SLC24A2: variants seen among roughly 807,000 people sequenced by gnomAD.
SLC24A2 encodes the protein sodium/potassium/calcium exchanger 2.
SLC24A2 carries 36 observed loss-of-function variants against 62.0 expected under a neutral mutation model. The ratio of observed to expected loss-of-function variants is 0.58; its 90% CI spans 0.44 to 0.77. The LOEUF is 0.77. SLC24A2 is among the 30% of genes least tolerant of loss of function. The probability of loss-of-function intolerance (pLI) is 0.00; values close to 1 mark genes in which losing one functional copy is unlikely to be tolerated. For synonymous variants in SLC24A2, 358 were observed against 294.0 expected (o/e 1.22, Z -2.23); for missense variants, 846 against 817.9 (o/e 1.03, Z -0.42).
intron 4 of SLC24A2, among the ~76,000 whole-genome samples, 167 bp from the exon 5 acceptor site, chr9:19,597,446 G>C (rs184164958): frequency 6.6e-6 from 1 of 152,112 alleles, no homozygotes; most frequent in African/African-American, 2.4e-5. Context: ...CAGCTTTCAC[G>C]GCCCATTTTC....
At chr9:19,701,952 A>T (rs773623633) in intron 2 of SLC24A2, among the ~76,000 whole-genome samples, 2 of 152,200 alleles carry the variant, frequency 1.3e-5, no homozygotes, top group East Asian at 3.9e-4. Context: ...CCTACCGTGG[A>T]TGGAAAACGA....
At chr9:19,984,743 T>A in the SLC24A2 span, among the ~76,000 whole-genome samples, 1 of 152,080 alleles carries the variant, frequency 6.6e-6, no homozygotes, top group Non-Finnish European at 1.5e-5. Flanking sequence ...TTATAGCCAA[T>A]TGATTTTTTG....
At chr9:20,062,267 C>T in the SLC24A2 span, among the ~76,000 whole-genome samples, 1 of 152,010 alleles carries the variant, frequency 6.6e-6, no homozygotes, top group Non-Finnish European at 1.5e-5. Flanking sequence ...GTAACCAAAA[C>T]AGCATGGTAA....
intron 2 of SLC24A2, among the ~76,000 whole-genome samples, chr9:19,763,826 T>C (rs996127031): frequency 6.6e-6 from 1 of 152,236 alleles, no homozygotes; most frequent in South Asian, 2.1e-4. Context: ...GCTGGCCTCA[T>C]AGAACGAGTT....
chr9:20,016,611 T>G, the SLC24A2 span, among the ~76,000 whole-genome samples: 1 of 152,220 alleles, frequency 6.6e-6, no homozygotes, highest in Non-Finnish European at 1.5e-5. Flanking sequence ...ATTTTACTCT[T>G]CAACTAAAGC....
At chr9:19,824,772 A>G in the SLC24A2 span, among the ~76,000 whole-genome samples, 1 of 152,224 alleles carries the variant, frequency 6.6e-6, no homozygotes, top group African/African-American at 2.4e-5. Context: ...AATCAACCCA[A>G]ATGCCCATCA....
rs1361877924 is a variant in SLC24A2 at position 19,653,876 on chromosome 9, T to C, written c.931-31577A>G. Among the ~76,000 whole-genome samples the C allele has an allele frequency of 2.6e-5, 4 of 152,180 alleles. No homozygotes were observed. In the East Asian group the frequency reaches 7.7e-4, roughly 29 times the overall value. ...TTGCAGCCTCAGAGCCAAGGTGTTTTGTGAGTGATTCTACATCTATGCCAA... is the reference window on the plus strand; with the variant it reads ...TTGCAGCCTCAGAGCCAAGGTGTTTCGTGAGTGATTCTACATCTATGCCAA... On this transcript the variant is annotated intron_variant, in intron 2 of 10. Coordinates refer to ENST00000341998, the MANE Select transcript of SLC24A2 (RefSeq NM_020344.4).
the SLC24A2 span, among the ~76,000 whole-genome samples, chr9:20,296,736 C>G: frequency 6.6e-6 from 1 of 152,194 alleles, no homozygotes; most frequent in South Asian, 2.1e-4. Flanking sequence ...CAGATGACCA[C>G]AGTTATAAAG....
chr9:19,573,527 C>CAGAGAG (rs1835911321), intron 6 of SLC24A2, 58 bp from the exon 7 acceptor site: 2 of 362,784 alleles, frequency 5.5e-6, no homozygotes, highest in African/African-American at 4.8e-5. Context: ...CACACACACA[C>CAGAGAG]ACAGAGAGAG....
chr9:19,613,329 G>A (rs1003743725), intron 4 of SLC24A2, among the ~76,000 whole-genome samples: 1 of 152,216 alleles, frequency 6.6e-6, no homozygotes, highest in Admixed American at 6.5e-5. Flanking sequence ...CAACCTGCCA[G>A]TTCCTGTCTA....
chr9:20,220,402 C>T, the SLC24A2 span, among the ~76,000 whole-genome samples: 18,179 of 152,172 alleles, frequency 0.12, 1,180 homozygotes, highest in Middle Eastern at 0.16. Context: ...ATTGAGCTTT[C>T]CTCTTATTCT....
the SLC24A2 span, among the ~76,000 whole-genome samples, chr9:20,250,948 C>T: frequency 2.6e-5 from 4 of 152,096 alleles, no homozygotes; most frequent in Admixed American, 1.3e-4. Flanking sequence ...CTTCTCACCT[C>T]GATTAATTAG....
chr9:19,616,397 T>A (rs1351872011), intron 4 of SLC24A2, among the ~76,000 whole-genome samples: 1 of 152,158 alleles, frequency 6.6e-6, no homozygotes, highest in Non-Finnish European at 1.5e-5. Context: ...AAAGATTAGG[T>A]GACTTGTCCG....
the SLC24A2 span, among the ~76,000 whole-genome samples, chr9:19,994,729 A>C: frequency 6.6e-6 from 1 of 152,148 alleles, no homozygotes; most frequent in African/African-American, 2.4e-5. Flanking sequence ...ACTTCCCTGA[A>C]GATAGTGTGG....
At chr9:20,303,975 AGTGACCACATAAG>A in the SLC24A2 span, among the ~76,000 whole-genome samples, 1 of 152,212 alleles carries the variant, frequency 6.6e-6, no homozygotes, top group Non-Finnish European at 1.5e-5. Context: ...CCTAAGTGAC[AGTGACCACATAAG>A]GTGTATCCAA....
chr9:19,857,093 A>G, the SLC24A2 span, among the ~76,000 whole-genome samples: 2 of 152,238 alleles, frequency 1.3e-5, no homozygotes, highest in Non-Finnish European at 2.9e-5. Context: ...CACTGGGCTA[A>G]TGTTAAGGTG....
the SLC24A2 span, among the ~76,000 whole-genome samples, chr9:19,965,106 G>A: frequency 2.0e-5 from 3 of 152,114 alleles, no homozygotes; most frequent in Non-Finnish European, 4.4e-5. Flanking sequence ...ACGAGAAAGA[G>A]CGTTGGAGGC....
chr9:20,077,230 C>T, the SLC24A2 span, among the ~76,000 whole-genome samples: 2 of 151,810 alleles, frequency 1.3e-5, no homozygotes, highest in African/African-American at 2.4e-5. Context: ...ATATAGAACA[C>T]ACAGACTACT....
chr9:19,916,322 T>C, the SLC24A2 span, among the ~76,000 whole-genome samples: 2 of 152,074 alleles, frequency 1.3e-5, no homozygotes, highest in African/African-American at 4.8e-5. Flanking sequence ...GTAGGAAGTT[T>C]TGAAACTGAG....
Sources: allele counts gnomAD v4.1 joint callset (sites outside exome capture counted in the v4.1 genomes callset), GRCh38; gene constraint gnomAD v4.1.1; transcripts MANE v1.5; gene names NCBI Gene and HGNC (gene_info 2026-07-23, HGNC 2026-07-21).